P4HA1: variants seen among roughly 807,000 people sequenced by gnomAD.
The protein encoded by P4HA1 is prolyl 4-hydroxylase subunit alpha 1, also known as prolyl 4-hydroxylase subunit alpha-1.
A neutral mutation model predicts 72.8 loss-of-function variants in P4HA1; 24 were observed. The ratio of observed to expected loss-of-function variants is 0.33; its 90% CI spans 0.24 to 0.46. The LOEUF is 0.46. Among genes scored for constraint, P4HA1 ranks in the 20% least tolerant of loss-of-function variants. P4HA1 has a pLI of 1.00. For synonymous variants in P4HA1, 201 were observed against 218.8 expected, an observed-to-expected ratio of 0.92 and a Z score of 0.72; for missense variants, 446 against 640.6, an observed-to-expected ratio of 0.70 and a Z score of 3.28.
intron 10 of P4HA1, among the ~76,000 whole-genome samples, chr10:73,017,732 T>A (rs934214152): frequency 6.6e-6 from 1 of 152,178 alleles, no homozygotes; most frequent in Admixed American, 6.5e-5. Context: ...AATGTCCCAG[T>A]GTGACGCACC....
At chr10:73,076,831 CCT>C (rs1348852662) in intron 1 of P4HA1, among the ~76,000 whole-genome samples, 1 of 152,164 alleles carries the variant, frequency 6.6e-6, no homozygotes, top group African/African-American at 2.4e-5. Context: ...TGTGCAGGCC[CCT>C]CTGACTCGTC....
At chr10:73,063,598 A>G (rs547484583) in intron 5 of P4HA1, among the ~76,000 whole-genome samples, 1 of 152,366 alleles carries the variant, frequency 6.6e-6, no homozygotes, top group East Asian at 1.9e-4. Context: ...TAAACTGAGA[A>G]GATGAGCTCA....
At chr10:73,058,774 C>CTTTTTTTTTTTTT (rs151028824) in intron 5 of P4HA1, among the ~76,000 whole-genome samples, 1 of 123,840 alleles carries the variant, frequency 8.1e-6, no homozygotes, top group African/African-American at 3.2e-5. Flanking sequence ...TTATAGTATG[C>CTTTTTTTTTTTTT]TTTTTTTTTT....
At chr10:73,075,644 GAATAC>G (rs1436536914) in intron 1 of P4HA1, among the ~76,000 whole-genome samples, 1 of 151,632 alleles carries the variant, frequency 6.6e-6, no homozygotes, top group African/African-American at 2.4e-5. Context: ...CAAAATGTTA[GAATAC>G]ATTTTAAAGG....
chr10:73,032,889 A>T (rs1173853434), intron 9 of P4HA1, among the ~76,000 whole-genome samples: 4 of 144,056 alleles, frequency 2.8e-5, no homozygotes, highest in Non-Finnish European at 4.5e-5. Context: ...CATGACAAAC[A>T]GGGTGGATTC....
At chr10:73,092,455 CCCTCCCACCTCAG>C (rs1366769826) in intron 1 of P4HA1, among the ~76,000 whole-genome samples, 1 of 148,618 alleles carries the variant, frequency 6.7e-6, no homozygotes, top group East Asian at 2.0e-4. Context: ...GCTCAAGCGA[CCCTCCCACCTCAG>C]CCTCCCAAGT....
At chr10:73,069,243 T>C (rs1841494415) in intron 4 of P4HA1, among the ~76,000 whole-genome samples, 2 of 152,166 alleles carry the variant, frequency 1.3e-5, no homozygotes, top group African/African-American at 4.8e-5. Flanking sequence ...CAGGTAAAGA[T>C]CACCTAACAT....
chr10:73,028,134 T>C (rs1371055058), intron 10 of P4HA1, among the ~76,000 whole-genome samples: 1 of 152,032 alleles, frequency 6.6e-6, no homozygotes, highest in African/African-American at 2.4e-5. Context: ...TGCCAAGTCA[T>C]GATAGGATTC....
chr10:73,046,380 C>T (rs1840864286), intron 8 of P4HA1, among the ~76,000 whole-genome samples: 2 of 152,158 alleles, frequency 1.3e-5, no homozygotes. Context: ...TTATGCTCAA[C>T]ACTAAGCTTA....
intron 10 of P4HA1, among the ~76,000 whole-genome samples, chr10:73,029,444 C>G (rs1006142874): frequency 6.8e-6 from 1 of 147,698 alleles, no homozygotes; most frequent in African/African-American, 2.5e-5. Context: ...AAAATTGCAA[C>G]CAGAAAGGCT....
At chr10:73,059,423 T>TAAAAAAAAA (rs1564631461) in intron 5 of P4HA1, among the ~76,000 whole-genome samples, 1 of 47,580 alleles carries the variant, frequency 2.1e-5, no homozygotes, top group African/African-American at 9.0e-5. Context: ...GACAATATAT[T>TAAAAAAAAA]TAAAAAAAAA....
chr10:73,043,929 T>C, intron 9 of P4HA1: 1 of 1,613,336 alleles, frequency 6.2e-7, no homozygotes, highest in East Asian at 2.2e-5. Context: ...TTTTCCAGTC[T>C]CAGGGTCATG....
chr10:73,043,178 A>C (rs914808439), intron 9 of P4HA1, among the ~76,000 whole-genome samples: 1 of 152,214 alleles, frequency 6.6e-6, no homozygotes, highest in Non-Finnish European at 1.5e-5. Flanking sequence ...TAAACAAGTG[A>C]AAATGTATTA....
At chr10:73,059,936 T>C (rs911709658) in intron 5 of P4HA1, among the ~76,000 whole-genome samples, 1 of 151,802 alleles carries the variant, frequency 6.6e-6, no homozygotes. Flanking sequence ...CAGAACAAGA[T>C]ATTGTTTCTA....
chr10:73,013,562 T>C (rs1839953049), intron 12 of P4HA1, among the ~76,000 whole-genome samples: 1 of 152,232 alleles, frequency 6.6e-6, no homozygotes, highest in African/African-American at 2.4e-5. Context: ...CTGTTAGAGA[T>C]ACATTAAGAA....
At chr10:73,064,869 T>TTCATCCGTTAAACTGAGAGAGACA (rs372032297) in intron 5 of P4HA1, among the ~76,000 whole-genome samples, 4 of 152,120 alleles carry the variant, frequency 2.6e-5, no homozygotes, top group Non-Finnish European at 5.9e-5. Flanking sequence ...ATTTTTATGG[T>TTCATCCGTTAAACTGAGAGAGACA]TCATCCGTTA....
intron 1 of P4HA1, among the ~76,000 whole-genome samples, chr10:73,093,236 A>T (rs1296755931): frequency 6.6e-6 from 1 of 152,170 alleles, no homozygotes; most frequent in Admixed American, 6.5e-5. Context: ...AAACATGAGG[A>T]AGAGAAAGGC....
At chr10:73,044,409 C>G (rs1219549912) in intron 9 of P4HA1, among the ~76,000 whole-genome samples, 5 of 152,130 alleles carry the variant, frequency 3.3e-5, no homozygotes, top group Admixed American at 3.3e-4. Context: ...TTTTGGAAGA[C>G]AGAGCTCAGA....
Position 73,055,647 on chromosome 10 carries a change from G to C in P4HA1, c.464-2057C>G, listed in dbSNP as rs897322461. On this transcript the variant is annotated intron_variant, in intron 5 of 14. Transcript: ENST00000394890. ...GCTTTTGGTGTTATTATGTCAACTC[G>C]CTTCTGCAGTGAAACTTCTATTTTA... Among the ~76,000 whole-genome samples the C allele has an allele frequency of 2.0e-5, 3 of 152,104 alleles. No homozygotes were observed. In the South Asian group the frequency reaches 6.2e-4, roughly 32 times the overall value.
Sources: gnomAD v4.1 joint callset for allele counts (sites outside exome capture counted in the v4.1 genomes callset) on GRCh38, gnomAD v4.1.1 for gene constraint, MANE v1.5 for transcripts, NCBI Gene and HGNC (gene_info 2026-07-23, HGNC 2026-07-21) for gene names.